EZH1: variants seen among roughly 807,000 people sequenced by gnomAD.
EZH1 encodes the protein enhancer of zeste 1 polycomb repressive complex 2 subunit, also known as histone-lysine N-methyltransferase EZH1.
A neutral mutation model predicts 100.5 loss-of-function variants in EZH1; 33 were observed. That is an observed-to-expected ratio of 0.33 (90% CI 0.25 to 0.44). The LOEUF is 0.44. Ranked by LOEUF, EZH1 falls within the 20% of genes least tolerant of loss-of-function variation. The pLI is 1.00. For missense variants in EZH1, 475 were observed against 928.4 expected (o/e 0.51, Z 6.35); for synonymous variants, 272 against 313.8 (o/e 0.87, Z 1.41).
Position 42,712,281 on chromosome 17 carries a change from G to C in EZH1, c.1401+8C>G. Reference sequence around the variant, plus strand: ...GGGCCCATTTGTTCTGCTGCTTCCAGATGGTACCTGCTTGCACGTCTTGGT... The same window carrying C: ...GGGCCCATTTGTTCTGCTGCTTCCACATGGTACCTGCTTGCACGTCTTGGT... On this transcript the variant is annotated splice_region_variant and intron_variant, in intron 12 of 20. Coordinates refer to ENST00000428826, the MANE Select transcript of EZH1 (RefSeq NM_001991.5). 1 of 1,612,740 alleles carries C rather than the reference G, an allele frequency of 6.2e-7. No individual in the cohort carries two copies. Among genetic ancestry groups the C allele is most frequent in the South Asian group, 1.1e-5 (1 of 90,978 alleles).
intron 1 of EZH1, among the ~76,000 whole-genome samples, chr17:42,737,392 G>C (rs116946024): frequency 0.013 from 1,930 of 152,342 alleles, 27 homozygotes; most frequent in Middle Eastern, 0.017. Flanking sequence ...CTTGGGCCCA[G>C]TTGTTCGAGA....
At chr17:42,704,895 T>G (rs1007332189) in intron 17 of EZH1, among the ~76,000 whole-genome samples, 193 bp downstream of exon 17, 12 of 152,234 alleles carry the variant, frequency 7.9e-5, no homozygotes, top group Non-Finnish European at 1.6e-4. Context: ...TCATCTCTTG[T>G]GTCTGGAGTT....
chr17:42,738,373 G>A (rs553258712), intron 1 of EZH1, among the ~76,000 whole-genome samples: 2 of 151,878 alleles, frequency 1.3e-5, no homozygotes, highest in Non-Finnish European at 2.9e-5. Context: ...TAACCAGCAA[G>A]GCTAAGTAAG....
chr17:42,742,246 G>C (rs1391659539), intron 1 of EZH1, among the ~76,000 whole-genome samples: 5 of 151,324 alleles, frequency 3.3e-5, no homozygotes, highest in African/African-American at 1.2e-4. Flanking sequence ...AAGTTCAAGC[G>C]ATTCTCCCAC....
intron 2 of EZH1, among the ~76,000 whole-genome samples, chr17:42,730,583 G>GCC (rs1293162848): frequency 8.2e-6 from 1 of 122,278 alleles, no homozygotes; most frequent in Non-Finnish European, 1.6e-5. Flanking sequence ...TGCAAGCTCC[G>GCC]CCTCCCGGGT....
chr17:42,708,033 G>A lies in EZH1; in HGVS notation c.1585C>T (p.Arg529Cys), dbSNP rs772252090. The change falls in exon 15 of 21, where the codon CGC becomes TGC. Residue 529 changes from arginine to cysteine, a missense_variant. By Grantham distance (180) the Arg-to-Cys change is radical (BLOSUM62 -3). Coordinates refer to ENST00000428826, the MANE Select transcript of EZH1 (RefSeq NM_001991.5). ...CAGGGGCAGGTGCTGTCACAGGGGC[G>A]GTCTGGGTGGTCGCAGGGTTGGTAG... ...YNYQPCDHPD[R>C]PCDSTCPCIM... 17 of 1,613,060 alleles carry A rather than the reference G, an allele frequency of 1.1e-5. No individual in the cohort carries two copies. Among genetic ancestry groups the A allele is most frequent in the Non-Finnish European group, 1.4e-5 (17 of 1,179,722 alleles).
In EZH1 at chr17:42,703,764, C is replaced by A. The variant is rs775259824; in HGVS notation, c.2074G>T (p.Val692Leu). The A allele has an allele frequency of 2.5e-6, 4 of 1,614,120 alleles. No homozygotes were observed. The East Asian group carries it at 8.9e-5, about 36-fold the overall frequency. ...GNKIRFANHS[V>L]NPNCYAKVVM... ...CCTTTGGCATAACAGTTGGGATTCA[C>A]TGAATGATTTGCAAATCGAATTTTG... Residue 692 changes from valine to leucine, a missense_variant, in exon 19 of 21, where the codon GTG (valine) becomes TTG (leucine). By Grantham distance (32) the Val-to-Leu change is conservative. Around this residue, in one of 8 missense-constraint regions of EZH1, gnomAD observed 49 missense variants for 164.2 expected, o/e 0.30. Transcript: ENST00000428826.
In EZH1 at chr17:42,720,329, T is replaced by C; in HGVS notation, c.608A>G (p.Asp203Gly). 6.2e-7 allele frequency: 1 copy of C among 1,614,222 alleles called. No homozygotes were observed. Among genetic ancestry groups the C allele is most frequent in the Non-Finnish European group, 8.5e-7 (1 of 1,180,046 alleles). ...TACTGGCAGATCTTCTTTGCTGTCA[T>C]CCTGCTTTCCATCTGAGGTGTCATT... ...GHNDTSDGKQ[D>G]DSKEDLPVTR... is the part of the protein sequence containing the mutation. The change falls in exon 7 of 21, where the codon GAT (aspartate) becomes GGT (glycine). Residue 203 changes from aspartate (D) to glycine (G), a missense_variant. Coordinates refer to ENST00000428826, the MANE Select transcript of EZH1 (RefSeq NM_001991.5).
intron 1 of EZH1, among the ~76,000 whole-genome samples, chr17:42,731,323 C>T (rs2053944167): frequency 6.6e-6 from 1 of 151,722 alleles, no homozygotes; most frequent in Admixed American, 6.6e-5. Flanking sequence ...ATTTCACCAT[C>T]TCTACTGGGG....
intron 1 of EZH1, among the ~76,000 whole-genome samples, chr17:42,740,668 A>G (rs756219725): frequency 3.9e-5 from 6 of 152,236 alleles, no homozygotes; most frequent in African/African-American, 7.2e-5. Flanking sequence ...GACTTGGAAG[A>G]GTAAAAGCAA....
intron 1 of EZH1, among the ~76,000 whole-genome samples, chr17:42,732,855 A>G (rs1038649970): frequency 2.0e-5 from 3 of 152,026 alleles, no homozygotes; most frequent in Admixed American, 1.3e-4. Flanking sequence ...AAGCTGAGGT[A>G]GGAGGATCAC....
At chr17:42,726,110 C>T (rs1046143990) in intron 4 of EZH1, among the ~76,000 whole-genome samples, 1 of 151,126 alleles carries the variant, frequency 6.6e-6, no homozygotes, top group African/African-American at 2.4e-5. Context: ...AACTCCTGAC[C>T]TCAGGTGATC....
chr17:42,713,037 C>CAAA (rs10664421), intron 11 of EZH1, among the ~76,000 whole-genome samples, 172 bp downstream of exon 11: 2,252 of 83,494 alleles, frequency 0.027, 94 homozygotes, highest in African/African-American at 0.043. Context: ...GAGACTGTTT[C>CAAA]AAAAAAAAAA....
At chr17:42,726,250 C>T (rs1391462513) in intron 4 of EZH1, among the ~76,000 whole-genome samples, 4 of 132,852 alleles carry the variant, frequency 3.0e-5, no homozygotes, top group Non-Finnish European at 4.6e-5. Flanking sequence ...GTCTCGCTGT[C>T]GCCCAGGCTG....
chr17:42,708,323 T>G (rs1488295544), intron 14 of EZH1, among the ~76,000 whole-genome samples: 1 of 151,838 alleles, frequency 6.6e-6, no homozygotes, highest in Non-Finnish European at 1.5e-5. Context: ...TTCTAAACAT[T>G]AAATGAGGTC....
chr17:42,718,388 A>C lies in EZH1; in HGVS notation c.931+66T>G, dbSNP rs2053645060. On this transcript the variant is annotated intron_variant, in intron 9 of 20. Transcript: ENST00000428826. This position sits in a 1 kb window ranked among gnomAD's most constrained non-coding sequence, Gnocchi z 4.2. ...AACTCTATACGAGAAACCAGAACAAAGAGAAGGAAATGGTGGCTGGGGATG... is the reference window on the plus strand; with the variant it reads ...AACTCTATACGAGAAACCAGAACAACGAGAAGGAAATGGTGGCTGGGGATG... 4 of 1,589,788 alleles carry C rather than the reference A, an allele frequency of 2.5e-6. No homozygotes were observed. Among genetic ancestry groups the C allele is most frequent in the Non-Finnish European group, 3.4e-6 (4 of 1,165,306 alleles).
Position 42,745,032 on chromosome 17 carries a change from C to A in EZH1, c.-124G>T. ...TCACCCTCCATCCCGAGCCGCGGGT[C>A]CCGCTGCTAGGACGCATGCGCGCCG... On this transcript the variant is annotated 5_prime_UTR_variant, in exon 1 of 21. Transcript: ENST00000428826. The A allele has an allele frequency of 7.9e-7, 1 of 1,272,420 alleles. No homozygotes were observed. The highest frequency in any genetic ancestry group is 6.2e-5 in the East Asian group (1 of 16,108). The allele number at this position is 1,272,420 out of a possible 1,614,324, so 78.8% of individuals were successfully genotyped here.
At chr17:42,729,112 G>T (rs2053885239) in intron 2 of EZH1, 160 bp from the exon 3 acceptor site, 1 of 674,834 alleles carries the variant, frequency 1.5e-6, no homozygotes. Context: ...TCAACAGAAA[G>T]TTTCAATTTA....
chr17:42,726,495 G>A (rs62078423), intron 4 of EZH1, among the ~76,000 whole-genome samples: 2 of 151,506 alleles, frequency 1.3e-5, no homozygotes, highest in Admixed American at 6.6e-5. Context: ...TAATAATAAT[G>A]ATAATTTATT....
Sources: allele counts gnomAD v4.1 joint callset (sites outside exome capture counted in the v4.1 genomes callset), GRCh38; gene constraint gnomAD v4.1.1; regional missense constraint gnomAD v4.1.1; non-coding constraint Gnocchi (gnomAD v3.1); transcripts MANE v1.5; gene names NCBI Gene and HGNC (gene_info 2026-07-23, HGNC 2026-07-21).